The following MYO16 variants were observed in gnomAD, a reference collection of about 807,000 sequenced individuals.
MYO16 encodes the protein myosin XVI.
In MYO16, 94 loss-of-function variants were observed where a neutral mutation model predicts 205.3. The ratio of observed to expected loss-of-function variants is 0.46; its 90% CI spans 0.39 to 0.54. The LOEUF (loss-of-function observed/expected upper bound fraction) is 0.54. Ranked by LOEUF, MYO16 falls within the 20% of genes least tolerant of loss-of-function variation. The pLI is 0.00. For missense variants in MYO16, 2,315 were observed against 2,387.5 expected (o/e 0.97, Z 0.63); for synonymous variants, 988 against 954.0 (o/e 1.04, Z -0.66).
At chr13:108,648,101 C>T (rs1007998078) in intron 1 of MYO16, among the ~76,000 whole-genome samples, 9 of 152,220 alleles carry the variant, frequency 5.9e-5, no homozygotes, top group Admixed American at 5.9e-4. Flanking sequence ...ATGTGGTGAG[C>T]CAACTGCTTT....
chr13:108,678,870 G>A (rs1882339037), intron 2 of MYO16, among the ~76,000 whole-genome samples: 6 of 152,116 alleles, frequency 3.9e-5, no homozygotes, highest in Admixed American at 3.9e-4. Flanking sequence ...CTCTCAAAGG[G>A]CTGCAGGCTG....
At chr13:108,523,802 T>C in the MYO16 span, among the ~76,000 whole-genome samples, 1 of 152,318 alleles carries the variant, frequency 6.6e-6, no homozygotes, top group Middle Eastern at 3.4e-3. Flanking sequence ...CCTGTGTGCA[T>C]GACATTTCAA....
At chr13:108,968,659 T>C (rs1883893025) in intron 20 of MYO16, among the ~76,000 whole-genome samples, 1 of 151,968 alleles carries the variant, frequency 6.6e-6, no homozygotes, top group African/African-American at 2.4e-5. Context: ...AGTAAGGCAT[T>C]TGGGAGTCAA....
chr13:108,667,458 C>T (rs1044876702), intron 2 of MYO16, among the ~76,000 whole-genome samples: 2 of 151,364 alleles, frequency 1.3e-5, no homozygotes, highest in Non-Finnish European at 2.9e-5. Context: ...ATCATATTTT[C>T]TGGAAAGCTG....
At position 109,173,756 on chromosome 13, in the gene MYO16, G is replaced by A. The variant is rs182137356; in HGVS notation, c.5324-5786G>A. The stretch of plus-strand genomic sequence containing the variant: ...TAAAAATGCAAAAAATTAGCCGGGC[G>A]TGGTGGTGGGCGCCTGTAGTCCCAG... On this transcript the variant is annotated intron_variant, in intron 33 of 34. Coordinates refer to ENST00000457511, the MANE Select transcript of MYO16 (RefSeq NM_001198950.3). Among the ~76,000 whole-genome samples, 1,427 of 151,988 alleles carry A rather than the reference G, an allele frequency of 9.4e-3. 7 individuals are homozygous for A. Among genetic ancestry groups the A allele is most frequent in the Non-Finnish European group, 0.014 (964 of 67,952 alleles).
chr13:109,109,710 A>T (rs919879823), intron 28 of MYO16, among the ~76,000 whole-genome samples: 1 of 150,574 alleles, frequency 6.6e-6, no homozygotes, highest in Admixed American at 6.7e-5. Flanking sequence ...AAGCTCTTTT[A>T]AAAAACGAAC....
intron 34 of MYO16, among the ~76,000 whole-genome samples, chr13:109,205,902 T>C (rs1046882236): frequency 1.3e-5 from 2 of 152,244 alleles, no homozygotes; most frequent in African/African-American, 4.8e-5. Flanking sequence ...CTCATTGCTT[T>C]GTCTCACTGC....
intron 16 of MYO16, among the ~76,000 whole-genome samples, chr13:108,951,835 G>A (rs1156364869): frequency 1.3e-5 from 2 of 152,194 alleles, no homozygotes; most frequent in Admixed American, 6.5e-5. Context: ...TGGCGTGGTG[G>A]CGCATGCCTG....
rs372994851 is a variant in MYO16, at chr13:108,864,811, T to C, written c.1360-1366T>C. 8.5e-5 allele frequency among the ~76,000 whole-genome samples: 13 copies of C among 152,136 alleles called. No individual in the cohort carries two copies. The East Asian group carries it at 1.4e-3, about 16-fold the overall frequency. On this transcript the variant is annotated intron_variant, in intron 11 of 34. Transcript: ENST00000457511. ...CCTCATCCTCCCAAAGTGCTGGGAT[T>C]ATAGGCCTGAGCCACTGCACCTGCC...
chr13:108,664,210 C>T (rs1881625791), intron 1 of MYO16, among the ~76,000 whole-genome samples: 1 of 152,166 alleles, frequency 6.6e-6, no homozygotes, highest in South Asian at 2.1e-4. Flanking sequence ...AAACGTATAG[C>T]TTCTGTCAAA....
intron 12 of MYO16, among the ~76,000 whole-genome samples, chr13:108,875,369 A>G (rs1879275656): frequency 6.6e-6 from 1 of 152,246 alleles, no homozygotes; most frequent in Non-Finnish European, 1.5e-5. Flanking sequence ...TCAGTCACTC[A>G]GAAAACAGGG....
chr13:108,736,969 A>T (rs1000607017), intron 4 of MYO16, among the ~76,000 whole-genome samples: 1 of 152,118 alleles, frequency 6.6e-6, no homozygotes, highest in African/African-American at 2.4e-5. Flanking sequence ...AATGCTTGAG[A>T]TTTTTGCACA....
chr13:108,752,954 A>C (rs1161538575), intron 4 of MYO16, among the ~76,000 whole-genome samples: 1 of 151,538 alleles, frequency 6.6e-6, no homozygotes, highest in Non-Finnish European at 1.5e-5. Context: ...TATGTAAAAC[A>C]CTATTAAGTT....
At chr13:108,575,730 G>A in the MYO16 span, among the ~76,000 whole-genome samples, 175 of 152,240 alleles carry the variant, frequency 1.1e-3, no homozygotes, top group Admixed American at 7.3e-3. Context: ...GCCCGCCCGC[G>A]TATACATTTC....
intron 21 of MYO16, among the ~76,000 whole-genome samples, chr13:109,007,204 T>C (rs546011078): frequency 1.1e-3 from 172 of 152,132 alleles, no homozygotes; most frequent in African/African-American, 3.6e-3. Flanking sequence ...CTGTCTAACA[T>C]GGTGAAACCC....
At chr13:108,542,155 C>T in the MYO16 span, among the ~76,000 whole-genome samples, 1 of 152,104 alleles carries the variant, frequency 6.6e-6, no homozygotes, top group Non-Finnish European at 1.5e-5. Flanking sequence ...AGAATGAGAT[C>T]ATGCCATTTG....
intron 22 of MYO16, among the ~76,000 whole-genome samples, chr13:109,016,803 T>G (rs1188921912): frequency 6.6e-6 from 1 of 152,182 alleles, no homozygotes; most frequent in Non-Finnish European, 1.5e-5. Context: ...TTGTTGTTGT[T>G]TTCCATTTGC....
At chr13:108,798,224 GAGA>G (rs10604616) in intron 6 of MYO16, among the ~76,000 whole-genome samples, 61,389 of 151,554 alleles carry the variant, frequency 0.41, 12,561 homozygotes, top group Middle Eastern at 0.5. Flanking sequence ...TGGAGATAAG[GAGA>G]AGAAGACAGT....
At chr13:108,551,444 A>G in the MYO16 span, among the ~76,000 whole-genome samples, 2 of 152,122 alleles carry the variant, frequency 1.3e-5, no homozygotes, top group Non-Finnish European at 2.9e-5. Context: ...TGACTTGTCC[A>G]TTTGCCATTT....
Sources: allele counts gnomAD v4.1 joint callset (sites outside exome capture counted in the v4.1 genomes callset), GRCh38; gene constraint gnomAD v4.1.1; transcripts MANE v1.5; gene names NCBI Gene and HGNC (gene_info 2026-07-23, HGNC 2026-07-21).